The following SMARCA2 variants were observed in gnomAD, a reference collection of about 807,000 sequenced individuals.
SMARCA2 encodes the protein SWI/SNF-related matrix-associated actin-dependent regulator of chromatin subfamily A member 2.
A neutral mutation model predicts 199.8 loss-of-function variants in SMARCA2; 61 were observed. The ratio of observed to expected loss-of-function variants is 0.31; its 90% CI spans 0.25 to 0.38. The LOEUF is 0.38. Ranked by LOEUF, SMARCA2 falls within the 10% of genes least tolerant of loss-of-function variation. SMARCA2 has a pLI of 1.00. For missense variants in SMARCA2, 1,344 were observed against 2,012.2 expected, an observed-to-expected ratio of 0.67 and a Z score of 6.35; for synonymous variants, 935 against 732.0, an observed-to-expected ratio of 1.28 and a Z score of -4.48.
rs1483492432 is a variant in SMARCA2, at chr9:2,193,565, T to C, written c.*826T>C. 1 of 152,676 alleles carries C rather than the reference T, an allele frequency of 6.5e-6. No homozygotes were observed. Among genetic ancestry groups the C allele is most frequent in the Non-Finnish European group, 1.5e-5 (1 of 68,042 alleles). 9.5% of individuals were successfully genotyped at this position (152,676 alleles called of 1,614,324 possible). A position where few individuals can be genotyped will look rare whatever the true frequency, so the allele number is the denominator to read the frequency against. ...AAGCCTGAGGCAAATAAAATTCCAG[T>C]AATTTCGAAGAATGTGGTGTTGGTG... On this transcript the variant is annotated 3_prime_UTR_variant, in exon 34 of 34. Transcript: ENST00000349721.
At chr9:2,112,344 T>G (rs1175536276) in intron 24 of SMARCA2, among the ~76,000 whole-genome samples, 2 of 152,180 alleles carry the variant, frequency 1.3e-5, no homozygotes, top group African/African-American at 4.8e-5. Flanking sequence ...GCATTTCCAC[T>G]GACTCTTAGA....
intron 14 of SMARCA2, among the ~76,000 whole-genome samples, chr9:2,080,757 G>A (rs369543210): frequency 3.7e-4 from 57 of 152,218 alleles, no homozygotes; most frequent in African/African-American, 1.3e-3. Context: ...AAACCAATGC[G>A]GTGTCTCCCT....
In SMARCA2 at chr9:2,039,365, TCAGA is replaced by T. The variant is rs1338547424; in HGVS notation, c.356-97_356-94del. ...AAATGATATGTCATTCAAATTTCTGTCAGACAGTGTTGCTGTGGACAATTATTAG... is the reference window on the plus strand; with the variant it reads ...AAATGATATGTCATTCAAATTTCTGTCAGTGTTGCTGTGGACAATTATTAG... On this transcript the variant is annotated intron_variant, in intron 3 of 33. Coordinates refer to ENST00000349721, the MANE Select transcript of SMARCA2 (RefSeq NM_003070.5). The surrounding 1 kb of genome is among the most constrained non-coding windows in gnomAD (Gnocchi z 4.8). 12 of 1,096,064 alleles carry T rather than the reference TCAGA, an allele frequency of 1.1e-5. No individual in the cohort carries two copies. The highest frequency in any genetic ancestry group is 6.3e-5 in the African/African-American group (4 of 63,280). 67.9% of individuals were successfully genotyped at this position (1,096,064 alleles called of 1,614,324 possible). A position where few individuals can be genotyped will look rare whatever the true frequency, so the allele number is the denominator to read the frequency against.
At chr9:2,188,592 T>C (rs145916691) in intron 32 of SMARCA2, among the ~76,000 whole-genome samples, 222 of 152,342 alleles carry the variant, frequency 1.5e-3, no homozygotes, top group African/African-American at 5.1e-3. Flanking sequence ...AGCTGCTCTC[T>C]TCCCCCATCC....
chr9:2,081,492 T>A (rs1431807203), intron 14 of SMARCA2, among the ~76,000 whole-genome samples: 2 of 152,222 alleles, frequency 1.3e-5, no homozygotes, highest in Non-Finnish European at 2.9e-5. Context: ...CATTGGCTTT[T>A]TATTCTTGGA....
chr9:2,035,282 A>T (rs962202577), intron 3 of SMARCA2, among the ~76,000 whole-genome samples: 1 of 152,158 alleles, frequency 6.6e-6, no homozygotes, highest in Admixed American at 6.5e-5. Flanking sequence ...ACCTCAGGTG[A>T]TCCACCCTCC....
At chr9:2,045,062 A>G (rs1819778847) in intron 4 of SMARCA2, 1 of 152,212 alleles carries the variant, frequency 6.6e-6, no homozygotes, top group South Asian at 2.1e-4. Context: ...ATGGGTATTT[A>G]TAGGCAATAA....
chr9:2,161,943 A>C lies in SMARCA2; in HGVS notation c.4199+40A>C. On this transcript the variant is annotated intron_variant, in intron 28 of 33. Coordinates refer to ENST00000349721, the MANE Select transcript of SMARCA2 (RefSeq NM_003070.5). The surrounding 1 kb of genome is among the most constrained non-coding windows in gnomAD (Gnocchi z 4.7). ...CCTTCACCTTGATCATCTCTCACCA[A>C]GACGCCGAGTGGCGCTCCCTGAGGA... The C allele has an allele frequency of 6.4e-7, 1 of 1,552,362 alleles. No homozygotes were observed. Among genetic ancestry groups the C allele is most frequent in the South Asian group, 1.1e-5 (1 of 88,566 alleles).
chr9:2,101,852 A>T (rs975217346), intron 22 of SMARCA2, among the ~76,000 whole-genome samples: 4 of 152,242 alleles, frequency 2.6e-5, no homozygotes, highest in African/African-American at 9.6e-5. Flanking sequence ...AATAGACTTA[A>T]TAGTATCCTA....
At chr9:2,057,712 G>T (rs1055011100) in intron 7 of SMARCA2, among the ~76,000 whole-genome samples, 14 of 152,182 alleles carry the variant, frequency 9.2e-5, no homozygotes, top group African/African-American at 2.9e-4. Flanking sequence ...TCATAGTCCT[G>T]TAAATTGTAT....
At chr9:2,101,015 A>T (rs114296656) in intron 21 of SMARCA2, among the ~76,000 whole-genome samples, 161 of 152,184 alleles carry the variant, frequency 1.1e-3, no homozygotes, top group African/African-American at 3.8e-3. Flanking sequence ...ATCTCGTGAG[A>T]CTTATTCACA....
At chr9:2,166,139 A>G (rs1301431123) in intron 28 of SMARCA2, among the ~76,000 whole-genome samples, 2 of 152,234 alleles carry the variant, frequency 1.3e-5, no homozygotes, top group East Asian at 3.8e-4. Flanking sequence ...TGTATCAACA[A>G]GCATATCTAC....
At chr9:2,071,129 T>C (rs1821069230) in intron 10 of SMARCA2, among the ~76,000 whole-genome samples, 2 of 152,184 alleles carry the variant, frequency 1.3e-5, no homozygotes, top group Admixed American at 6.5e-5. Flanking sequence ...TTATCTTCAT[T>C]TTGTCTCATA....
At chr9:2,178,554 TAAAAA>T (rs1826784316) in intron 29 of SMARCA2, among the ~76,000 whole-genome samples, 1 of 152,108 alleles carries the variant, frequency 6.6e-6, no homozygotes, top group Non-Finnish European at 1.5e-5. Flanking sequence ...GTTCTGTACT[TAAAAA>T]GGAAAAAAGC....
chr9:2,160,800 A>G, intron 27 of SMARCA2: 1 of 414,856 alleles, frequency 2.4e-6, no homozygotes, highest in Non-Finnish European at 4.3e-6. Flanking sequence ...TTCTATGTTC[A>G]AATTTTATGT....
chr9:2,030,332 G>A (rs1180654180), intron 2 of SMARCA2, among the ~76,000 whole-genome samples: 1 of 152,114 alleles, frequency 6.6e-6, no homozygotes, highest in Non-Finnish European at 1.5e-5. Flanking sequence ...TACAGGCTCA[G>A]ACCTGAGCCT....
Position 2,161,625 on chromosome 9 carries a change from A to G in SMARCA2, c.3982-61A>G. 1 of 1,153,004 alleles carries G rather than the reference A, an allele frequency of 8.7e-7. No individual in the cohort carries two copies. 71.4% of individuals were successfully genotyped at this position (1,153,004 alleles called of 1,614,324 possible). ...TGGAGCTATATATAAATATACACAT[A>G]CTTTTTTTGTCTTGGTTATTCTCTT... On this transcript the variant is annotated intron_variant, in intron 27 of 33. Transcript: ENST00000349721. This position sits in a 1 kb window ranked among gnomAD's most constrained non-coding sequence, Gnocchi z 4.7.
rs1431146434 is a variant in SMARCA2 at position 2,047,369 on chromosome 9, G to A, written c.931G>A (p.Ala311Thr). 5 of 1,535,568 alleles carry A rather than the reference G, an allele frequency of 3.3e-6. No individual in the cohort carries two copies. The African/African-American group carries it at 5.6e-5, about 17-fold the overall frequency. The change falls in exon 5 of 34, where the codon GCC becomes ACC. Residue 311 changes from alanine (A) to threonine (T), a missense_variant. Ala to Thr is a moderately conservative substitution (Grantham distance 58, BLOSUM62 0). Transcript: ENST00000349721. The stretch of plus-strand genomic sequence containing the variant: ...GCCCGGGCCCTCAGTGCCGCAGCCG[G>A]CCCCGGGGCAGCCCTCGCCCGTCCT... ...AVPGPSVPQP[A>T]PGQPSPVLQL... is the part of the protein sequence containing the mutation.
intron 1 of SMARCA2, among the ~76,000 whole-genome samples, chr9:2,023,072 T>C (rs1220075981): frequency 6.6e-6 from 1 of 152,202 alleles, no homozygotes; most frequent in Non-Finnish European, 1.5e-5. Context: ...TCAGTCCTCA[T>C]GGAAGAGGCC....
Sources: gnomAD v4.1 joint callset for allele counts (sites outside exome capture counted in the v4.1 genomes callset) on GRCh38, gnomAD v4.1.1 for gene constraint, Gnocchi (gnomAD v3.1) non-coding constraint, MANE v1.5 for transcripts, NCBI Gene and HGNC (gene_info 2026-07-23, HGNC 2026-07-21) for gene names.